NRG2: variants seen among roughly 807,000 people sequenced by gnomAD.
NRG2 encodes neuregulin 2.
In NRG2, 27 loss-of-function variants were observed where a neutral mutation model predicts 73.9. The observed-to-expected ratio is 0.37, with a 90% CI of 0.27 to 0.50. The LOEUF is 0.50. NRG2 is among the 20% of genes least tolerant of loss of function. The probability of loss-of-function intolerance (pLI) is 0.96; values close to 1 mark genes in which losing one functional copy is unlikely to be tolerated. For missense variants in NRG2, 1,126 were observed against 1,210.1 expected (o/e 0.93, Z 1.03); for synonymous variants, 532 against 541.0 (o/e 0.98, Z 0.23).
chr5:139,991,881 T>C (rs914011256), intron 1 of NRG2, among the ~76,000 whole-genome samples: 5 of 152,234 alleles, frequency 3.3e-5, no homozygotes, highest in African/African-American at 9.6e-5. Context: ...TGAGGCAGTT[T>C]CTGAGCTTTC....
chr5:139,934,751 T>C (rs1752718654), intron 1 of NRG2, among the ~76,000 whole-genome samples: 1 of 152,236 alleles, frequency 6.6e-6, no homozygotes, highest in African/African-American at 2.4e-5. Context: ...ATGTCAACGC[T>C]AGCCAAAAGA....
chr5:139,892,011 T>C (rs1343914535), intron 1 of NRG2, among the ~76,000 whole-genome samples: 1 of 152,212 alleles, frequency 6.6e-6, no homozygotes, highest in Non-Finnish European at 1.5e-5. Context: ...GAATCATCTG[T>C]GATGCTAAAA....
Position 139,872,466 on chromosome 5 carries a change from G to C in NRG2, c.992-625C>G, listed in dbSNP as rs1228359074. ...GGGCTAGCTCCAGGAATGCTTCAAA[G>C]GCTACTATGCCCCATCTCCATAAGC... On this transcript the variant is annotated intron_variant, in intron 3 of 9. Coordinates refer to ENST00000361474, the MANE Select transcript of NRG2 (RefSeq NM_004883.3). Among the ~76,000 whole-genome samples the C allele has an allele frequency of 2.0e-5, 3 of 152,280 alleles. No homozygotes were observed. In the East Asian group the frequency reaches 5.8e-4, roughly 29 times the overall value.
chr5:140,014,016 T>C (rs571252622), intron 1 of NRG2, among the ~76,000 whole-genome samples: 1 of 152,316 alleles, frequency 6.6e-6, no homozygotes, highest in South Asian at 2.1e-4. Context: ...CCTATGTTCA[T>C]TCCTTTGGTG....
intron 5 of NRG2, chr5:139,859,874 A>G: frequency 6.2e-7 from 1 of 1,612,162 alleles, no homozygotes; most frequent in Non-Finnish European, 8.5e-7. Context: ...TGAGTGACAC[A>G]CAGAGGTTTC....
chr5:139,953,294 C>T (rs530364139), intron 1 of NRG2, among the ~76,000 whole-genome samples: 2 of 152,220 alleles, frequency 1.3e-5, no homozygotes, highest in African/African-American at 4.8e-5. Flanking sequence ...GAAGGGTTAA[C>T]GGACCTGGGG....
intron 4 of NRG2, among the ~76,000 whole-genome samples, chr5:139,867,188 T>C (rs991874818): frequency 1.3e-5 from 2 of 152,206 alleles, no homozygotes; most frequent in Non-Finnish European, 2.9e-5. Flanking sequence ...ATGAACACCC[T>C]GTGACCTCAA....
intron 1 of NRG2, among the ~76,000 whole-genome samples, chr5:139,966,896 C>T (rs943851811): frequency 2.0e-5 from 3 of 152,308 alleles, no homozygotes; most frequent in East Asian, 3.9e-4. Flanking sequence ...TGAGGCTTCT[C>T]CTATCTCTAA....
rs371213576 is a variant in NRG2 at position 139,992,990 on chromosome 5, T to C, written c.700+49380A>G. Among the ~76,000 whole-genome samples, 27 of 152,314 alleles carry C rather than the reference T, an allele frequency of 1.8e-4. 2 individuals are homozygous for C. Among genetic ancestry groups the C allele is most frequent in the African/African-American group, 6.0e-4 (25 of 41,566 alleles). Reference sequence around the variant, plus strand: ...TAGGTTGTTCCTCCATCTTTTTTTTTTTCTTCTTGCAATCCATTTGGTAAA... The same window carrying C: ...TAGGTTGTTCCTCCATCTTTTTTTTCTTCTTCTTGCAATCCATTTGGTAAA... On this transcript the variant is annotated intron_variant, in intron 1 of 9. Transcript: ENST00000361474.
intron 6 of NRG2, among the ~76,000 whole-genome samples, chr5:139,854,421 G>A (rs1025889225): frequency 2.6e-5 from 4 of 152,258 alleles, no homozygotes; most frequent in Admixed American, 2.0e-4. Flanking sequence ...TCAGAGCACC[G>A]GCCGTATGCC....
intron 1 of NRG2, among the ~76,000 whole-genome samples, chr5:140,005,088 G>A (rs537456527): frequency 6.6e-6 from 1 of 152,288 alleles, no homozygotes; most frequent in South Asian, 2.1e-4. Context: ...CTTCTCAGGG[G>A]ATGTAGAATT....
At chr5:139,965,414 G>A (rs1050076615) in intron 1 of NRG2, among the ~76,000 whole-genome samples, 6 of 152,270 alleles carry the variant, frequency 3.9e-5, no homozygotes, top group African/African-American at 1.2e-4. Context: ...CAGAGCTTGA[G>A]GCAAGGCATT....
rs1390031335 is a variant in NRG2 at position 139,968,986 on chromosome 5, C to A, written c.700+73384G>T. Among the ~76,000 whole-genome samples the A allele has an allele frequency of 2.0e-5, 3 of 152,202 alleles. No homozygotes were observed. In the East Asian group the frequency reaches 5.8e-4, roughly 29 times the overall value. On this transcript the variant is annotated intron_variant, in intron 1 of 9. Coordinates refer to ENST00000361474, the MANE Select transcript of NRG2 (RefSeq NM_004883.3). ...GTCCGCGTTCAGGCAGGTAATGCCC[C>A]GCCACCTGGTGGAAAGCTGCCGGCA...
intron 1 of NRG2, among the ~76,000 whole-genome samples, chr5:139,934,123 C>T (rs13179950): frequency 0.15 from 23,314 of 152,082 alleles, 1,996 homozygotes; most frequent in South Asian, 0.25. Flanking sequence ...TGCTTGAGTC[C>T]GGGAGGTTCA....
intron 1 of NRG2, among the ~76,000 whole-genome samples, chr5:139,925,320 C>A (rs2126341091): frequency 6.6e-6 from 1 of 152,248 alleles, no homozygotes; most frequent in East Asian, 1.9e-4. Flanking sequence ...TCTTCCGCTG[C>A]TCCTCAGCTT....
chr5:139,871,558 T>A (rs1441164901), intron 4 of NRG2, among the ~76,000 whole-genome samples, 163 bp downstream of exon 4: 1 of 152,120 alleles, frequency 6.6e-6, no homozygotes, highest in Non-Finnish European at 1.5e-5. Context: ...TATCTCCTTA[T>A]ATTCCAGGAA....
At chr5:139,924,558 G>C (rs1042714300) in intron 1 of NRG2, among the ~76,000 whole-genome samples, 5 of 152,174 alleles carry the variant, frequency 3.3e-5, no homozygotes, top group African/African-American at 1.2e-4. Context: ...GTGTTCTAAT[G>C]AAATGATAAT....
chr5:139,877,860 A>G (rs1189484220), intron 3 of NRG2, among the ~76,000 whole-genome samples: 1 of 152,204 alleles, frequency 6.6e-6, no homozygotes, highest in Non-Finnish European at 1.5e-5. Context: ...AGCTTGGACG[A>G]GACCAAATCT....
chr5:140,025,940 G>A (rs1431010529), intron 1 of NRG2, among the ~76,000 whole-genome samples: 2 of 152,158 alleles, frequency 1.3e-5, no homozygotes, highest in Non-Finnish European at 1.5e-5. Context: ...TATGTTTACA[G>A]AAGAGCAATG....
Sources: gnomAD v4.1 joint callset for allele counts (sites outside exome capture counted in the v4.1 genomes callset) on GRCh38, gnomAD v4.1.1 for gene constraint, MANE v1.5 for transcripts, NCBI Gene and HGNC (gene_info 2026-07-23, HGNC 2026-07-21) for gene names.